FRMPD4: variants seen among roughly 807,000 people sequenced by gnomAD.
FRMPD4 encodes the protein FERM and PDZ domain containing 4.
A neutral mutation model predicts 94.1 loss-of-function variants in FRMPD4; 22 were observed. The ratio of observed to expected loss-of-function variants is 0.23; its 90% CI spans 0.17 to 0.33. The LOEUF is 0.33. Ranked by LOEUF, FRMPD4 falls within the 10% of genes least tolerant of loss-of-function variation. FRMPD4 has a pLI of 1.00. For synonymous variants in FRMPD4, 631 were observed against 548.6 expected, an observed-to-expected ratio of 1.15 and a Z score of -2.10; for missense variants, 1,111 against 1,339.9, an observed-to-expected ratio of 0.83 and a Z score of 2.67.
intron 1 of FRMPD4, among the ~76,000 whole-genome samples, chrX:12,345,113 A>G (rs113814638): frequency 2.0e-5 from 2 of 101,330 alleles, no homozygotes; most frequent in African/African-American, 8.3e-5. Context: ...TGGATGGATG[A>G]ACAGACAGAC....
chrX:12,298,148 A>C (rs1175208493), intron 1 of FRMPD4, among the ~76,000 whole-genome samples: 5 of 111,636 alleles, frequency 4.5e-5, no homozygotes, highest in African/African-American at 1.6e-4. Flanking sequence ...TTTGCTGTTT[A>C]TGTTTGTTTG....
chrX:12,713,634 T>TC (rs1156399703), intron 14 of FRMPD4, among the ~76,000 whole-genome samples: 1 of 111,130 alleles, frequency 9.0e-6, no homozygotes, highest in African/African-American at 3.3e-5. Flanking sequence ...CTTCAGAAAC[T>TC]CCCAAAAGAT....
intron 4 of FRMPD4, among the ~76,000 whole-genome samples, chrX:12,674,092 G>A (rs1051165884): frequency 8.9e-5 from 10 of 112,369 alleles, no homozygotes; most frequent in Admixed American, 2.8e-4. Flanking sequence ...GAACAAAGAA[G>A]GGAAGAAAGA....
intron 3 of FRMPD4, among the ~76,000 whole-genome samples, chrX:12,044,429 A>C (rs1341684903): frequency 6.3e-5 from 7 of 111,943 alleles, no homozygotes; most frequent in Non-Finnish European, 1.3e-4. Context: ...AAGAGATAGG[A>C]AGGTGAGTAT....
At chrX:12,088,024 G>A (rs1169917386) in intron 3 of FRMPD4, among the ~76,000 whole-genome samples, 3 of 112,634 alleles carry the variant, frequency 2.7e-5, no homozygotes, top group Admixed American at 9.4e-5. Context: ...GTCCCAGGGA[G>A]CTTTGTTAAT....
chrX:12,421,167 TG>T (rs1331379074), intron 1 of FRMPD4, among the ~76,000 whole-genome samples: 42 of 112,007 alleles, frequency 3.7e-4, no homozygotes, highest in African/African-American at 1.3e-3. Flanking sequence ...ATGAGGAGGG[TG>T]GGGTGTGAGG....
intron 1 of FRMPD4, among the ~76,000 whole-genome samples, chrX:12,463,364 A>C (rs2057410651): frequency 9.0e-6 from 1 of 111,587 alleles, no homozygotes; most frequent in Admixed American, 9.5e-5. Context: ...CTACTTTATC[A>C]ATGCCAATTT....
At chrX:11,957,045 T>A (rs1360241295) in intron 3 of FRMPD4, among the ~76,000 whole-genome samples, 4 of 112,186 alleles carry the variant, frequency 3.6e-5, no homozygotes, top group Non-Finnish European at 7.5e-5. Context: ...AAGCTGTAGG[T>A]TTTAGCGAGT....
At chrX:12,606,241 T>G (rs1384758469) in intron 2 of FRMPD4, among the ~76,000 whole-genome samples, 1 of 112,338 alleles carries the variant, frequency 8.9e-6, no homozygotes, top group Non-Finnish European at 1.9e-5. Context: ...TATGTTAACG[T>G]ACATTTACAA....
At chrX:12,065,082 A>G (rs1185137921) in intron 3 of FRMPD4, among the ~76,000 whole-genome samples, 5 of 112,546 alleles carry the variant, frequency 4.4e-5, no homozygotes, top group Admixed American at 1.9e-4. Flanking sequence ...GGATGTAAAG[A>G]TTCCTACTTG....
intron 3 of FRMPD4, among the ~76,000 whole-genome samples, chrX:12,053,455 G>GAAGAGAGGAA (rs1264769336): frequency 3.8e-5 from 4 of 104,026 alleles, no homozygotes; most frequent in African/African-American, 1.4e-4. Flanking sequence ...GAAGAGAAGA[G>GAAGAGAGGAA]AGGAAAGGAA....
At chrX:12,679,714 C>A in intron 5 of FRMPD4, among the ~76,000 whole-genome samples, 1 of 111,771 alleles carries the variant, frequency 8.9e-6, no homozygotes, top group Non-Finnish European at 1.9e-5. Flanking sequence ...GGATAAATAC[C>A]CCAGCTCCCT....
intron 1 of FRMPD4, among the ~76,000 whole-genome samples, chrX:12,430,864 G>A (rs1270187013): frequency 8.9e-6 from 1 of 111,973 alleles, no homozygotes; most frequent in Non-Finnish European, 1.9e-5. Flanking sequence ...TGACATCATT[G>A]AAGTATTTTT....
chrX:12,390,298 G>C (rs1173158731), intron 1 of FRMPD4, among the ~76,000 whole-genome samples: 1 of 112,503 alleles, frequency 8.9e-6, no homozygotes, highest in African/African-American at 3.2e-5. Context: ...TAAATAATTT[G>C]TAAGTATTGC....
chrX:12,365,788 T>A (rs1044559898), intron 1 of FRMPD4, among the ~76,000 whole-genome samples: 1 of 112,243 alleles, frequency 8.9e-6, no homozygotes, highest in Admixed American at 9.4e-5. Flanking sequence ...AAGTTTTTAT[T>A]TTCTGTGTCT....
At chrX:12,133,589 C>A (rs1376516325), upstream of FRMPD4, among the ~76,000 whole-genome samples, 1 of 111,533 alleles carries the variant, frequency 9.0e-6, no homozygotes, top group East Asian at 2.8e-4. Flanking sequence ...CACGCCTGAC[C>A]GAACTAGGGT....
chrX:12,611,050 T>C (rs1205235129), intron 3 of FRMPD4, among the ~76,000 whole-genome samples: 2 of 112,432 alleles, frequency 1.8e-5, no homozygotes, highest in African/African-American at 6.5e-5. Flanking sequence ...TATGATTAGA[T>C]AATTAATGTA....
chrX:11,980,187 G>T (rs913661616), intron 3 of FRMPD4, among the ~76,000 whole-genome samples: 1 of 110,971 alleles, frequency 9.0e-6, no homozygotes, highest in South Asian at 3.7e-4. Flanking sequence ...TATTTTGTTG[G>T]GTTGTATTTA....
At chrX:12,181,562 C>T (rs1244685120) in intron 1 of FRMPD4, among the ~76,000 whole-genome samples, 3 of 111,839 alleles carry the variant, frequency 2.7e-5, no homozygotes, top group South Asian at 7.5e-4. Context: ...TTTGTTGGGT[C>T]CCACTACTGA....
Sources: allele counts gnomAD v4.1 joint callset (sites outside exome capture counted in the v4.1 genomes callset), GRCh38; gene constraint gnomAD v4.1.1; transcripts MANE v1.5; gene names NCBI Gene and HGNC (gene_info 2026-07-23, HGNC 2026-07-21).